The following ZNF180 variants were observed in gnomAD, a reference collection of about 807,000 sequenced individuals.
ZNF180 encodes zinc finger protein 180, also known as zinc finger protein 180 (HHZ168).
Under a neutral mutation model 11.8 loss-of-function variants are expected in ZNF180, and 11 were observed. The ratio of observed to expected loss-of-function variants is 0.93; its 90% CI spans 0.59 to 1.55. The LOEUF (loss-of-function observed/expected upper bound fraction) is 1.55, where lower values mean the gene tolerates loss of function less well. Among genes scored for constraint, ZNF180 ranks in the 40% most tolerant of loss-of-function variants. The pLI, the probability that ZNF180 is intolerant of heterozygous loss-of-function variation, is 0.00. For missense variants in ZNF180, 773 were observed against 781.7 expected, an observed-to-expected ratio of 0.99 and a Z score of 0.13; for synonymous variants, 287 against 257.7, an observed-to-expected ratio of 1.11 and a Z score of -1.09.
chr19:44,497,302 G>T lies in ZNF180; in HGVS notation c.33C>A (p.Pro11=), dbSNP rs777930885. 3.1e-6 allele frequency: 5 copies of T among 1,593,350 alleles called. No homozygotes were observed. The highest frequency in any genetic ancestry group is 2.6e-6 in the Non-Finnish European group (3 of 1,173,284). The change falls in exon 2 of 5, where the codon CCC becomes CCA. Residue 11 remains proline, a synonymous_variant. Transcript: ENST00000592529. ...CACTCACCTGTGCACAGACCTTCGG[G>T]GGCTCTGGGGGCTTCTCATCCTGCT... MEEQDEKPPE[P]PKVCAQDSFL... is the part of the protein sequence containing the mutation.
chr19:44,479,558 T>G (rs1970025722), intron 3 of ZNF180, 149 bp from the exon 4 acceptor site: 1 of 1,035,850 alleles, frequency 9.7e-7, no homozygotes, highest in South Asian at 1.5e-5. Flanking sequence ...CCAGTCAAGA[T>G]GTACAGGTGC....
chr19:44,483,284 C>T (rs138356649), intron 3 of ZNF180, among the ~76,000 whole-genome samples: 1 of 152,264 alleles, frequency 6.6e-6, no homozygotes, highest in Non-Finnish European at 1.5e-5. Context: ...AATCTTTCTA[C>T]TTGACGTATT....
intron 2 of ZNF180, among the ~76,000 whole-genome samples, chr19:44,486,555 ACTG>A (rs1447000230): frequency 2.0e-5 from 3 of 152,222 alleles, no homozygotes; most frequent in African/African-American, 7.2e-5. Flanking sequence ...AAAAGCAACT[ACTG>A]CTAATTTTTG....
rs1488155160 is a variant in ZNF180 at position 44,495,692 on chromosome 19, G to A, written c.51+1592C>T. 2.6e-5 allele frequency among the ~76,000 whole-genome samples: 4 copies of A among 152,008 alleles called. No individual in the cohort carries two copies. The highest frequency in any genetic ancestry group is 2.6e-4 in the Admixed American group (4 of 15,270). The stretch of plus-strand genomic sequence containing the variant: ...ACCCCACACCAGATCTCCATATATG[G>A]ACACTGGCCTCAGCCACTTGGGCTC... On this transcript the variant is annotated intron_variant, in intron 2 of 4. Coordinates refer to ENST00000592529, the MANE Select transcript of ZNF180 (RefSeq NM_001278509.3). The surrounding 1 kb of genome is among the most constrained non-coding windows in gnomAD (Gnocchi z 4.5).
intron 3 of ZNF180, among the ~76,000 whole-genome samples, chr19:44,482,567 C>A (rs971470878): frequency 1.3e-5 from 2 of 152,044 alleles, no homozygotes; most frequent in Non-Finnish European, 2.9e-5. Context: ...CTGAACACCA[C>A]CCCCACCCCA....
At chr19:44,484,473 C>T (rs1359845630) in intron 2 of ZNF180, 38 bp from the exon 3 acceptor site, 2 of 1,517,560 alleles carry the variant, frequency 1.3e-6, no homozygotes, top group Middle Eastern at 1.7e-4. Flanking sequence ...GGAAAATAAT[C>T]AGGGAGCTAA....
chr19:44,494,675 A>C (rs1330850782), intron 2 of ZNF180, among the ~76,000 whole-genome samples: 1 of 152,064 alleles, frequency 6.6e-6, no homozygotes, highest in African/African-American at 2.4e-5. Flanking sequence ...CCTGTCTCTT[A>C]AAAAACAACA....
intron 2 of ZNF180, among the ~76,000 whole-genome samples, chr19:44,489,188 C>T (rs1268143233): frequency 5.3e-5 from 3 of 56,794 alleles, no homozygotes; most frequent in Non-Finnish European, 9.1e-5. Flanking sequence ...GCCGCCCCGT[C>T]TGGGAGGTGA....
At chr19:44,488,559 C>G (rs1970312433) in intron 2 of ZNF180, among the ~76,000 whole-genome samples, 1 of 152,154 alleles carries the variant, frequency 6.6e-6, no homozygotes, top group African/African-American at 2.4e-5. Flanking sequence ...GTCTCGTTCA[C>G]TCAGTGCTCA....
chr19:44,491,638 A>G (rs1007634742), intron 2 of ZNF180, among the ~76,000 whole-genome samples: 1 of 152,186 alleles, frequency 6.6e-6, no homozygotes, highest in South Asian at 2.1e-4. Context: ...TGGCACCATC[A>G]TAGCCTACTA....
chr19:44,488,345 G>A (rs182855727), intron 2 of ZNF180, among the ~76,000 whole-genome samples: 2 of 151,326 alleles, frequency 1.3e-5, no homozygotes, highest in Admixed American at 1.3e-4. Flanking sequence ...CTGCCATCTC[G>A]GCTCACTGCA....
At chr19:44,487,951 T>C (rs1970275152) in intron 2 of ZNF180, among the ~76,000 whole-genome samples, 1 of 152,158 alleles carries the variant, frequency 6.6e-6, no homozygotes, top group South Asian at 2.1e-4. Flanking sequence ...GGTCTTGACC[T>C]CTTGACCTTG....
Position 44,500,478 on chromosome 19 carries a change from T to C in ZNF180, c.-247A>G, listed in dbSNP as rs1359412510. 1 of 554,748 alleles carries C rather than the reference T, an allele frequency of 1.8e-6. No individual in the cohort carries two copies. Among genetic ancestry groups the C allele is most frequent in the Non-Finnish European group, 3.2e-6 (1 of 312,888 alleles). 34.4% of individuals were successfully genotyped at this position (554,748 alleles called of 1,614,324 possible). A position where few individuals can be genotyped will look rare whatever the true frequency, so the allele number is the denominator to read the frequency against. On this transcript the variant is annotated 5_prime_UTR_variant, in exon 1 of 5. Transcript: ENST00000592529. ...GGTTAAGTCTGAAGGGCCGAGCTGC[T>C]CGGCGACAGCAAGCGTCCGCGCGCG... is the stretch of plus-strand genomic sequence containing the variant.
In ZNF180 at chr19:44,477,763, T is replaced by C; in HGVS notation, c.637A>G (p.Asn213Asp). 6.2e-7 allele frequency: 1 copy of C among 1,613,964 alleles called. No individual in the cohort carries two copies. Among genetic ancestry groups the C allele is most frequent in the East Asian group, 2.2e-5 (1 of 44,864 alleles). Residue 213 changes from asparagine (N) to aspartate (D), a missense_variant, in exon 5 of 5, where the codon AAT becomes GAT. Coordinates refer to ENST00000592529, the MANE Select transcript of ZNF180 (RefSeq NM_001278509.3). ...NAAVNSHQKI[N>D]ENETLYENNE... ...TTTTCATATAGTGTCTCATTCTCAT[T>C]AATCTTCTGATGACTGTTTACAGCA...
At chr19:44,484,622 A>G in intron 2 of ZNF180, 187 bp from the exon 3 acceptor site, 1 of 603,008 alleles carries the variant, frequency 1.7e-6, no homozygotes, top group African/African-American at 1.8e-5. Context: ...GAGGAGATAC[A>G]TGGAGGAGCA....
At chr19:44,479,184 C>T in intron 4 of ZNF180, 99 bp downstream of exon 4, 1 of 1,464,356 alleles carries the variant, frequency 6.8e-7, no homozygotes. Context: ...TAGATGCAGC[C>T]AAAATCATTC....
chr19:44,478,448 T>A (rs1191615917), intron 4 of ZNF180, among the ~76,000 whole-genome samples: 1 of 152,220 alleles, frequency 6.6e-6, no homozygotes, highest in Non-Finnish European at 1.5e-5. Context: ...ACATAGAACC[T>A]ACAGAATTGC....
intron 2 of ZNF180, among the ~76,000 whole-genome samples, chr19:44,493,062 A>G (rs531786035): frequency 6.6e-6 from 1 of 152,336 alleles, no homozygotes; most frequent in East Asian, 1.9e-4. Context: ...TCCTGACAAG[A>G]GGATCCCTTT....
intron 2 of ZNF180, among the ~76,000 whole-genome samples, chr19:44,491,059 C>T (rs963711527): frequency 3.3e-5 from 5 of 152,154 alleles, no homozygotes; most frequent in African/African-American, 1.2e-4. Flanking sequence ...TCCTGTTTAC[C>T]GTGACTCCAC....
Sources: allele counts gnomAD v4.1 joint callset (sites outside exome capture counted in the v4.1 genomes callset), GRCh38; gene constraint gnomAD v4.1.1; non-coding constraint Gnocchi (gnomAD v3.1); transcripts MANE v1.5; gene names NCBI Gene and HGNC (gene_info 2026-07-23, HGNC 2026-07-21).